CDH18: variants seen among roughly 807,000 people sequenced by gnomAD.
The protein encoded by CDH18 is cadherin-18.
CDH18 carries 31 observed loss-of-function variants against 67.9 expected under a neutral mutation model. That is an observed-to-expected ratio of 0.46 (90% CI 0.34 to 0.62). The LOEUF is 0.62. CDH18 is among the 20% of genes least tolerant of loss of function. CDH18 has a pLI of 0.01. For missense variants in CDH18, 890 were observed against 975.5 expected, an observed-to-expected ratio of 0.91 and a Z score of 1.17; for synonymous variants, 362 against 347.2, an observed-to-expected ratio of 1.04 and a Z score of -0.48.
At chr5:20,313,339 C>T (rs1737164878) in intron 1 of CDH18, among the ~76,000 whole-genome samples, 2 of 152,014 alleles carry the variant, frequency 1.3e-5, no homozygotes, top group Non-Finnish European at 2.9e-5. Context: ...AACACTAGTG[C>T]CAGAACTGGG....
intron 2 of CDH18, among the ~76,000 whole-genome samples, chr5:20,092,272 C>T (rs1037836083): frequency 2.0e-5 from 3 of 152,072 alleles, no homozygotes; most frequent in African/African-American, 7.2e-5. Context: ...GAAAAGATTA[C>T]CCTCCCTTTG....
chr5:19,662,304 C>T (rs967150269), intron 5 of CDH18, among the ~76,000 whole-genome samples: 1 of 151,926 alleles, frequency 6.6e-6, no homozygotes, highest in Non-Finnish European at 1.5e-5. Context: ...TTTAGGCCAA[C>T]ATGTTCTTCA....
chr5:19,556,643 A>C (rs392042), intron 8 of CDH18, among the ~76,000 whole-genome samples: 15,073 of 152,154 alleles, frequency 0.099, 1,036 homozygotes, highest in African/African-American at 0.19. Flanking sequence ...ATGAACAAAC[A>C]TAAAAACAAT....
In CDH18 at chr5:19,483,366, A is replaced by T; in HGVS notation, c.1817T>A (p.Leu606Gln). The part of the protein sequence containing the change: ...RVRTCHAEAF[L>Q]SSAGLSTGAL... ...TCCTGTACTCAAACCAGCCGAGGAC[A>T]GGAAGGCTTCTGCATGGCAGGTCCG... The change falls in exon 12 of 13, where the codon CTG (leucine) becomes CAG (glutamine). Residue 606 changes from leucine to glutamine, a missense_variant. By Grantham distance (113) the Leu-to-Gln change is moderately radical (BLOSUM62 -2). This residue lies in a region of CDH18 where 656 missense variants were observed against 668.1 expected (regional missense o/e 0.98). Transcript: ENST00000382275. 2 of 1,614,178 alleles carry T rather than the reference A, an allele frequency of 1.2e-6. No homozygotes were observed. The highest frequency in any genetic ancestry group is 1.7e-6 in the Non-Finnish European group (2 of 1,180,020).
intron 8 of CDH18, among the ~76,000 whole-genome samples, chr5:19,548,748 T>C (rs2127121125): frequency 6.8e-6 from 1 of 146,608 alleles, no homozygotes; most frequent in Non-Finnish European, 1.5e-5. Flanking sequence ...GTAATATTTA[T>C]CAGCTTTTTT....
intron 3 of CDH18, among the ~76,000 whole-genome samples, chr5:19,749,707 G>T (rs1431160882): frequency 6.6e-6 from 1 of 150,866 alleles, no homozygotes; most frequent in Non-Finnish European, 1.5e-5. Flanking sequence ...ACACTATATA[G>T]ATTCTAGTAA....
At chr5:20,176,559 A>G (rs547387528) in intron 2 of CDH18, among the ~76,000 whole-genome samples, 1 of 152,280 alleles carries the variant, frequency 6.6e-6, no homozygotes, top group East Asian at 1.9e-4. Flanking sequence ...ATTCTTTCAT[A>G]AGGTTACAAT....
At chr5:19,755,512 T>C (rs531530914) in intron 3 of CDH18, among the ~76,000 whole-genome samples, 10 of 111,206 alleles carry the variant, frequency 9.0e-5, no homozygotes, top group Admixed American at 2.3e-4. Flanking sequence ...CACACACACA[T>C]ATATATATAT....
At chr5:20,376,669 C>T (rs1426578591) in intron 1 of CDH18, among the ~76,000 whole-genome samples, 1 of 151,666 alleles carries the variant, frequency 6.6e-6, no homozygotes, top group African/African-American at 2.4e-5. Context: ...CCATGATGTT[C>T]CTAAACGGTC....
intron 2 of CDH18, among the ~76,000 whole-genome samples, chr5:20,237,012 T>C (rs973103112): frequency 6.6e-6 from 1 of 151,966 alleles, no homozygotes; most frequent in Non-Finnish European, 1.5e-5. Flanking sequence ...ATTTCAGGAA[T>C]GCAAGCTAGA....
chr5:19,574,530 C>T (rs1741987590), intron 7 of CDH18, among the ~76,000 whole-genome samples: 1 of 151,934 alleles, frequency 6.6e-6, no homozygotes, highest in Non-Finnish European at 1.5e-5. Flanking sequence ...AAATTATACT[C>T]ATTTATTTAT....
intron 1 of CDH18, among the ~76,000 whole-genome samples, chr5:20,386,434 T>C (rs1414044575): frequency 1.3e-5 from 2 of 152,170 alleles, no homozygotes; most frequent in Non-Finnish European, 2.9e-5. Context: ...GCATAGTCTT[T>C]TATCCACAAT....
chr5:20,302,781 C>T (rs991248930), intron 1 of CDH18, among the ~76,000 whole-genome samples: 2 of 152,232 alleles, frequency 1.3e-5, no homozygotes, highest in African/African-American at 2.4e-5. Flanking sequence ...GGCACTGACC[C>T]TGAGCCTGTA....
intron 2 of CDH18, among the ~76,000 whole-genome samples, chr5:19,912,519 T>A (rs888297373): frequency 3.9e-5 from 6 of 152,178 alleles, no homozygotes; most frequent in Admixed American, 1.3e-4. Flanking sequence ...AGTTGAGTGA[T>A]CATCTACTAG....
chr5:19,494,917 T>G (rs1350994068), intron 11 of CDH18, among the ~76,000 whole-genome samples: 2 of 152,210 alleles, frequency 1.3e-5, no homozygotes, highest in African/African-American at 4.8e-5. Flanking sequence ...ATTCTTAGGC[T>G]ATAATTTCTG....
At chr5:19,964,990 G>T (rs1272973316) in intron 2 of CDH18, among the ~76,000 whole-genome samples, 1 of 152,056 alleles carries the variant, frequency 6.6e-6, no homozygotes, top group African/African-American at 2.4e-5. Context: ...TGCAAAATTT[G>T]TTCAAAATCC....
intron 2 of CDH18, among the ~76,000 whole-genome samples, chr5:20,045,230 A>G (rs561084373): frequency 5.9e-5 from 9 of 152,264 alleles, no homozygotes; most frequent in Admixed American, 4.6e-4. Context: ...TTGAAACTCA[A>G]TGGAATCATA....
rs972991379 is a variant in CDH18, at chr5:20,305,128, G to A, written c.-579-49623C>T. On this transcript the variant is annotated intron_variant, in intron 1 of 14. Coordinates refer to the CDH18 transcript ENST00000507958. ...AGCAAGAGAACCAAAGGCTACCTTG[G>A]GCTCTGCCACTGCCTTTGCACTGGT... is the stretch of plus-strand genomic sequence containing the variant. The A allele has an allele frequency of 2.2e-5, 33 of 1,513,414 alleles. No homozygotes were observed. In the African/African-American group the frequency reaches 4.4e-4, roughly 20 times the overall value. 93.7% of individuals were successfully genotyped at this position (1,513,414 alleles called of 1,614,324 possible). A position where few individuals can be genotyped will look rare whatever the true frequency, so the allele number is the denominator to read the frequency against.
intron 1 of CDH18, among the ~76,000 whole-genome samples, chr5:20,359,647 T>A (rs1240822571): frequency 6.6e-6 from 1 of 152,212 alleles, no homozygotes; most frequent in Non-Finnish European, 1.5e-5. Flanking sequence ...CAGCAGGTTT[T>A]ATTATGCATC....
Sources: allele counts gnomAD v4.1 joint callset (sites outside exome capture counted in the v4.1 genomes callset), GRCh38; gene constraint gnomAD v4.1.1; regional missense constraint gnomAD v4.1.1; transcripts MANE v1.5; gene names NCBI Gene and HGNC (gene_info 2026-07-23, HGNC 2026-07-21).